Variants in ANKRD17 observed in about 807,000 individuals in gnomAD.
ANKRD17 encodes ankyrin repeat domain-containing protein 17.
Under a neutral mutation model 229.7 loss-of-function variants are expected in ANKRD17, and 19 were observed. That is an observed-to-expected ratio of 0.08 (90% CI 0.06 to 0.12). The LOEUF (loss-of-function observed/expected upper bound fraction) is 0.12. Among genes scored for constraint, ANKRD17 ranks in the 10% least tolerant of loss-of-function variants. The pLI is 1.00. For missense variants in ANKRD17, 2,176 were observed against 3,176.8 expected (o/e 0.68, Z 7.57); for synonymous variants, 1,112 against 1,146.1 (o/e 0.97, Z 0.60).
chr4:73,118,147 G>T (rs1205346720), intron 22 of ANKRD17, among the ~76,000 whole-genome samples: 1 of 152,020 alleles, frequency 6.6e-6, no homozygotes, highest in Non-Finnish European at 1.5e-5. Context: ...CTCCTGAGTA[G>T]CTGGGACTAT....
chr4:73,100,871 A>G, intron 25 of ANKRD17: 1 of 985,380 alleles, frequency 1.0e-6, no homozygotes, highest in Non-Finnish European at 1.2e-6. Flanking sequence ...TTGCATGCAC[A>G]TATTTTTGGT....
intron 11 of ANKRD17, among the ~76,000 whole-genome samples, 161 bp downstream of exon 11, chr4:73,144,584 G>A (rs1360422696): frequency 6.6e-6 from 1 of 152,094 alleles, no homozygotes; most frequent in Admixed American, 6.6e-5. Flanking sequence ...GTCTGTGCAT[G>A]GCAGGATGTT....
intron 28 of ANKRD17, among the ~76,000 whole-genome samples, 179 bp from the exon 29 acceptor site, chr4:73,092,479 G>A (rs2110168815): frequency 6.6e-6 from 1 of 152,142 alleles, no homozygotes; most frequent in East Asian, 1.9e-4. Context: ...CATTCCTGAG[G>A]TATTCTACAA....
chr4:73,229,043 G>A lies in ANKRD17; in HGVS notation c.393+29233C>T, dbSNP rs573981055. 1.4e-3 allele frequency among the ~76,000 whole-genome samples: 213 copies of A among 152,054 alleles called. 1 individual carries two copies. The highest frequency in any genetic ancestry group is 4.8e-3 in the African/African-American group (199 of 41,482). On this transcript the variant is annotated intron_variant, in intron 1 of 33. Transcript: ENST00000358602. ...CAAACTATCGCAAGAACAAAAAACC[G>A]AACACTGCATGTTCTCACTCATAGG...
At chr4:73,114,708 T>C (rs1402932428) in intron 23 of ANKRD17, among the ~76,000 whole-genome samples, 3 of 152,128 alleles carry the variant, frequency 2.0e-5, no homozygotes, top group African/African-American at 4.8e-5. Flanking sequence ...ACCTGTGATA[T>C]ATAGGAATGT....
chr4:73,114,007 A>G (rs919233107), intron 23 of ANKRD17, 99 bp from the exon 24 acceptor site: 1 of 769,466 alleles, frequency 1.3e-6, no homozygotes, highest in African/African-American at 1.7e-5. Context: ...ACTCAAACCT[A>G]AGCAATAAAG....
intron 24 of ANKRD17, among the ~76,000 whole-genome samples, chr4:73,109,790 T>C (rs924508206): frequency 6.6e-6 from 1 of 151,856 alleles, no homozygotes; most frequent in Admixed American, 6.6e-5. Flanking sequence ...CATGTGAGAA[T>C]AAGAAGAAAG....
At chr4:73,248,920 C>G (rs1474951584) in intron 1 of ANKRD17, among the ~76,000 whole-genome samples, 1 of 151,716 alleles carries the variant, frequency 6.6e-6, no homozygotes, top group African/African-American at 2.4e-5. Context: ...AGACTGTTTT[C>G]ATTATTAATG....
At chr4:73,080,033 G>C (rs1257571562) in intron 30 of ANKRD17, among the ~76,000 whole-genome samples, 1 of 152,134 alleles carries the variant, frequency 6.6e-6, no homozygotes, top group Admixed American at 6.5e-5. Context: ...TTGAACCCGG[G>C]AGGCGGAGGA....
At chr4:73,160,486 G>A (rs1732387071) in intron 3 of ANKRD17, among the ~76,000 whole-genome samples, 1 of 152,084 alleles carries the variant, frequency 6.6e-6, no homozygotes, top group Admixed American at 6.6e-5. Flanking sequence ...CCAAAGTGCT[G>A]AGATTACAGG....
intron 1 of ANKRD17, among the ~76,000 whole-genome samples, chr4:73,206,884 G>A (rs1048423006): frequency 6.6e-6 from 1 of 152,078 alleles, no homozygotes; most frequent in Non-Finnish European, 1.5e-5. Flanking sequence ...GTGAAGGGGC[G>A]TGATCTCGGC....
chr4:73,210,979 T>C (rs1740168299), intron 1 of ANKRD17, among the ~76,000 whole-genome samples: 1 of 152,150 alleles, frequency 6.6e-6, no homozygotes. Flanking sequence ...TAATTCTACC[T>C]TTGTATTTTT....
chr4:73,194,443 C>T (rs1737562771), intron 1 of ANKRD17, among the ~76,000 whole-genome samples: 3 of 152,206 alleles, frequency 2.0e-5, no homozygotes, highest in African/African-American at 7.2e-5. Flanking sequence ...ATGTGCCACA[C>T]TGTTTTGATT....
chr4:73,202,932 A>AT (rs1738870475), intron 1 of ANKRD17, among the ~76,000 whole-genome samples: 1 of 152,206 alleles, frequency 6.6e-6, no homozygotes, highest in African/African-American at 2.4e-5. Context: ...ATGTGAAACA[A>AT]TGAGAGAAAT....
At chr4:73,163,184 G>T (rs749012709) in intron 2 of ANKRD17, among the ~76,000 whole-genome samples, 1 of 152,086 alleles carries the variant, frequency 6.6e-6, no homozygotes, top group Non-Finnish European at 1.5e-5. Flanking sequence ...ATATATAGAT[G>T]CTGAGGTTTT....
chr4:73,248,800 T>A (rs1578520637), intron 1 of ANKRD17, among the ~76,000 whole-genome samples: 1 of 151,936 alleles, frequency 6.6e-6, no homozygotes. Context: ...TAGTTCAGAT[T>A]AGACAATGAA....
intron 18 of ANKRD17, among the ~76,000 whole-genome samples, chr4:73,123,298 T>G (rs1208368252): frequency 1.3e-5 from 2 of 152,072 alleles, no homozygotes; most frequent in African/African-American, 4.8e-5. Context: ...CCGGGATTTA[T>G]GGGGATTTTT....
intron 1 of ANKRD17, among the ~76,000 whole-genome samples, chr4:73,219,679 T>C (rs181056320): frequency 5.9e-5 from 9 of 152,286 alleles, no homozygotes; most frequent in African/African-American, 2.2e-4. Context: ...CATAGAGAGT[T>C]GGCACTTTTA....
At chr4:73,112,047 A>G (rs1725383942) in intron 24 of ANKRD17, among the ~76,000 whole-genome samples, 1 of 152,224 alleles carries the variant, frequency 6.6e-6, no homozygotes, top group South Asian at 2.1e-4. Context: ...TGCTGACAGC[A>G]CAAACAAAAA....
Sources: allele counts gnomAD v4.1 joint callset (sites outside exome capture counted in the v4.1 genomes callset), GRCh38; gene constraint gnomAD v4.1.1; transcripts MANE v1.5; gene names NCBI Gene and HGNC (gene_info 2026-07-23, HGNC 2026-07-21).